USP25: variants seen among roughly 807,000 people sequenced by gnomAD.
USP25 encodes ubiquitin carboxyl-terminal hydrolase 25.
In USP25, 85 loss-of-function variants were observed where a neutral mutation model predicts 158.5. That is an observed-to-expected ratio of 0.54 (90% CI 0.45 to 0.64). USP25 has a LOEUF of 0.64. Among genes scored for constraint, USP25 ranks in the 30% least tolerant of loss-of-function variants. The pLI is 0.00. For synonymous variants in USP25, 464 were observed against 460.4 expected (o/e 1.01, Z -0.10); for missense variants, 1,242 against 1,327.3 (o/e 0.94, Z 1.00).
intron 1 of USP25, chr21:15,744,961 T>C (rs1368281280): frequency 6.6e-6 from 1 of 152,098 alleles, no homozygotes; most frequent in African/African-American, 2.4e-5. Context: ...TGTGTAGAAT[T>C]CTCTCGGTTT....
chr21:15,765,607 T>C (rs2033994623), intron 2 of USP25, among the ~76,000 whole-genome samples: 1 of 152,084 alleles, frequency 6.6e-6, no homozygotes, highest in Non-Finnish European at 1.5e-5. Flanking sequence ...GAATATCTTT[T>C]ATTGTCCTTG....
At chr21:15,809,168 C>G (rs765703966) in intron 8 of USP25, among the ~76,000 whole-genome samples, 1 of 152,080 alleles carries the variant, frequency 6.6e-6, no homozygotes. Context: ...AGAAAGATGT[C>G]AGGAATGTGA....
chr21:15,791,014 G>T (rs2035560994), intron 4 of USP25, among the ~76,000 whole-genome samples: 1 of 151,768 alleles, frequency 6.6e-6, no homozygotes, highest in Admixed American at 6.6e-5. Context: ...CTCAAGAATT[G>T]AAAGGAATCA....
intron 18 of USP25, among the ~76,000 whole-genome samples, chr21:15,845,361 A>G (rs1377174875): frequency 2.0e-5 from 3 of 152,160 alleles, no homozygotes; most frequent in Non-Finnish European, 4.4e-5. Context: ...TGAAAACAAT[A>G]GAAAAAGATA....
At chr21:15,856,207 A>G (rs1432477354) in intron 20 of USP25, among the ~76,000 whole-genome samples, 1 of 152,228 alleles carries the variant, frequency 6.6e-6, no homozygotes, top group Non-Finnish European at 1.5e-5. Flanking sequence ...ATAAAGAACC[A>G]GTGTAATGTG....
chr21:15,818,791 T>C lies in USP25; in HGVS notation c.1025T>C (p.Ile342Thr), dbSNP rs1180468599. 2 of 1,613,912 alleles carry C rather than the reference T, an allele frequency of 1.2e-6. No individual in the cohort carries two copies. Among genetic ancestry groups the C allele is most frequent in the Non-Finnish European group, 1.7e-6 (2 of 1,179,838 alleles). ...DLHECLEAAM[I>T]EGEIESLHSE... ...CATGAGTGCCTAGAAGCTGCAATGATTGAAGGAGAAATTGAGTCTTTACAT... is the reference window on the plus strand; with the variant it reads ...CATGAGTGCCTAGAAGCTGCAATGACTGAAGGAGAAATTGAGTCTTTACAT... The change falls in exon 10 of 26, where the codon ATT (isoleucine) becomes ACT (threonine). Residue 342 changes from isoleucine (I) to threonine (T), a missense_variant. Physicochemically the swap from Ile to Thr is moderately conservative, Grantham distance 89. This residue lies in a region of USP25 where 627 missense variants were observed against 701.4 expected (regional missense o/e 0.89). Transcript: ENST00000400183.
rs1020580020 is a variant in USP25 at position 15,798,703 on chromosome 21, A to G, written c.556-1054A>G. ...ATTGTTGAATAAATCTTTCTAGATC[A>G]CAAGATAAAATTTTTTTTTACAGTT... is the stretch of plus-strand genomic sequence containing the variant. On this transcript the variant is annotated intron_variant, in intron 5 of 25. Transcript: ENST00000400183. Among the ~76,000 whole-genome samples, 5 of 151,374 alleles carry G rather than the reference A, an allele frequency of 3.3e-5. No homozygotes were observed. In the East Asian group the frequency reaches 7.7e-4, roughly 23 times the overall value.
At chr21:15,872,938 CTG>C (rs2039954365) in intron 23 of USP25, among the ~76,000 whole-genome samples, 1 of 151,654 alleles carries the variant, frequency 6.6e-6, no homozygotes, top group Middle Eastern at 3.4e-3. Flanking sequence ...CCATATTAAT[CTG>C]TGAAAAAATA....
At chr21:15,782,505 T>G (rs2123535370) in intron 4 of USP25, among the ~76,000 whole-genome samples, 1 of 152,276 alleles carries the variant, frequency 6.6e-6, no homozygotes, top group South Asian at 2.1e-4. Context: ...GAGACAGTCG[T>G]ACAACCTTTC....
At chr21:15,731,859 G>A (rs2030945520) in intron 1 of USP25, among the ~76,000 whole-genome samples, 2 of 152,184 alleles carry the variant, frequency 1.3e-5, no homozygotes, top group South Asian at 2.1e-4. Context: ...ACATGGTCAT[G>A]TGAACGCTAA....
At chr21:15,765,872 A>T in intron 2 of USP25, 125 bp from the exon 3 acceptor site, 1 of 817,354 alleles carries the variant, frequency 1.2e-6, no homozygotes, top group Non-Finnish European at 1.8e-6. Context: ...AATTAGAATC[A>T]CATATAGATT....
intron 4 of USP25, among the ~76,000 whole-genome samples, chr21:15,787,825 A>C (rs1272888868): frequency 6.6e-6 from 1 of 151,204 alleles, no homozygotes; most frequent in Non-Finnish European, 1.5e-5. Flanking sequence ...TAGGTGAGCT[A>C]TGAAGTGGGA....
chr21:15,825,745 C>T (rs546683913), intron 12 of USP25, among the ~76,000 whole-genome samples: 2 of 152,200 alleles, frequency 1.3e-5, no homozygotes, highest in East Asian at 3.9e-4. Context: ...AATTAGTAGT[C>T]TAAAACTTCT....
At chr21:15,849,673 C>A in intron 19 of USP25, 104 bp from the exon 20 acceptor site, 1 of 884,416 alleles carries the variant, frequency 1.1e-6, no homozygotes, top group Non-Finnish European at 1.7e-6. Flanking sequence ...AAAAGTGCAA[C>A]ATTTGATTTA....
At chr21:15,739,459 G>A (rs1298391581) in intron 1 of USP25, among the ~76,000 whole-genome samples, 2 of 152,148 alleles carry the variant, frequency 1.3e-5, no homozygotes, top group Admixed American at 6.5e-5. Context: ...TATCCTGGGT[G>A]TGGTGGTGGA....
At chr21:15,771,498 T>C (rs2034349256) in intron 3 of USP25, among the ~76,000 whole-genome samples, 1 of 152,074 alleles carries the variant, frequency 6.6e-6, no homozygotes, top group Admixed American at 6.6e-5. Context: ...CAGGGCCTGA[T>C]GGGGCAGTGT....
intron 23 of USP25, 81 bp downstream of exon 23, chr21:15,870,228 G>T (rs981760891): frequency 4.6e-6 from 4 of 878,162 alleles, no homozygotes; most frequent in African/African-American, 3.5e-5. Context: ...CCATGGAAAA[G>T]ATTTTATTCA....
chr21:15,842,325 TG>T (rs1486509976), intron 17 of USP25, 72 bp from the exon 18 acceptor site: 8 of 1,467,662 alleles, frequency 5.5e-6, no homozygotes, highest in Middle Eastern at 1.8e-4. Context: ...GACATAGAAA[TG>T]AATAAAAGAT....
intron 6 of USP25, among the ~76,000 whole-genome samples, chr21:15,801,675 C>A (rs2036142247): frequency 6.6e-6 from 1 of 151,514 alleles, no homozygotes; most frequent in Non-Finnish European, 1.5e-5. Flanking sequence ...AATGAATTTA[C>A]CGCCAACTCG....
Sources: allele counts gnomAD v4.1 joint callset (sites outside exome capture counted in the v4.1 genomes callset), GRCh38; gene constraint gnomAD v4.1.1; regional missense constraint gnomAD v4.1.1; transcripts MANE v1.5; gene names NCBI Gene and HGNC (gene_info 2026-07-23, HGNC 2026-07-21).